The following HEATR1 variants were observed in gnomAD, a reference collection of about 807,000 sequenced individuals.
The protein encoded by HEATR1 is HEAT repeat-containing protein 1.
Under a neutral mutation model 248.2 loss-of-function variants are expected in HEATR1, and 77 were observed. That is an observed-to-expected ratio of 0.31 (90% CI 0.26 to 0.37). The LOEUF is 0.37. Ranked by LOEUF, HEATR1 falls within the 10% of genes least tolerant of loss-of-function variation. The pLI is 1.00. For synonymous variants in HEATR1, 897 were observed against 923.1 expected (o/e 0.97, Z 0.51); for missense variants, 2,420 against 2,504.9 (o/e 0.97, Z 0.72).
At chr1:236,599,777 A>G (rs1357813866) in intron 3 of HEATR1, among the ~76,000 whole-genome samples, 153 bp from the exon 4 acceptor site, 1 of 151,336 alleles carries the variant, frequency 6.6e-6, no homozygotes, top group Non-Finnish European at 1.5e-5. Context: ...GAGCATTTAA[A>G]AAGTCCCCAA....
intron 44 of HEATR1, 111 bp from the exon 45 acceptor site, chr1:236,551,101 A>G: frequency 1.2e-6 from 1 of 833,310 alleles, no homozygotes; most frequent in Non-Finnish European, 1.8e-6. Flanking sequence ...ATTCAATCAA[A>G]AGAGTGAAAT....
intron 24 of HEATR1, 61 bp downstream of exon 24, chr1:236,574,141 G>A (rs1411727372): frequency 3.5e-6 from 5 of 1,423,200 alleles, no homozygotes; most frequent in Non-Finnish European, 4.7e-6. Context: ...CTTAAACATG[G>A]TGTCCCTTGG....
Position 236,596,057 on chromosome 1 carries a change from T to C in HEATR1, c.745-13A>G. 6.4e-7 allele frequency: 1 copy of C among 1,550,972 alleles called. No individual in the cohort carries two copies. On this transcript the variant is annotated splice_polypyrimidine_tract_variant and intron_variant, in intron 6 of 44. Transcript: ENST00000366582. ...ATGATTTCAATCCCTAAATATTTTT[T>C]AAATATAAGGAAAAATGATAAACCA...
intron 31 of HEATR1, 120 bp from the exon 32 acceptor site, chr1:236,564,781 T>C: frequency 1.1e-6 from 1 of 945,712 alleles, no homozygotes; most frequent in Non-Finnish European, 1.5e-6. Context: ...CCCAGAGAAA[T>C]GTGTTCATCT....
At chr1:236,574,433 C>T in intron 23 of HEATR1, 100 bp from the exon 24 acceptor site, 1 of 1,403,268 alleles carries the variant, frequency 7.1e-7, no homozygotes, top group African/African-American at 1.5e-5. Flanking sequence ...AATTGTTTCC[C>T]ACTTAATTTT....
At chr1:236,600,092 T>C (rs1365797758) in intron 3 of HEATR1, among the ~76,000 whole-genome samples, 1 of 146,326 alleles carries the variant, frequency 6.8e-6, no homozygotes, top group African/African-American at 2.5e-5. Flanking sequence ...TAGGTCTCCC[T>C]GTGTTGCCCA....
intron 32 of HEATR1, among the ~76,000 whole-genome samples, 200 bp downstream of exon 32, chr1:236,564,298 A>G (rs1663212139): frequency 6.6e-6 from 1 of 152,140 alleles, no homozygotes; most frequent in Non-Finnish European, 1.5e-5. Flanking sequence ...CCACTGAGTC[A>G]CAGAGTTTAC....
intron 44 of HEATR1, 43 bp from the exon 45 acceptor site, chr1:236,551,033 TCC>T (rs779278292): frequency 7.9e-5 from 113 of 1,426,080 alleles, no homozygotes; most frequent in Non-Finnish European, 1.0e-4. Context: ...TCTGAGTCAG[TCC>T]GCCTGCCTCG....
chr1:236,550,730 A>T lies in HEATR1; in HGVS notation c.*172T>A. On this transcript the variant is annotated 3_prime_UTR_variant, in exon 45 of 45. Transcript: ENST00000366582. ...TCTATACGATAGGCAGGAGAGGCTTATGTGGCAGCACAAGCCAGGTGGGGA... is the reference window on the plus strand; with the variant it reads ...TCTATACGATAGGCAGGAGAGGCTTTTGTGGCAGCACAAGCCAGGTGGGGA... 1 of 555,190 alleles carries T rather than the reference A, an allele frequency of 1.8e-6. No individual in the cohort carries two copies. The highest frequency in any genetic ancestry group is 3.2e-6 in the Non-Finnish European group (1 of 316,756). The allele number at this position is 555,190 out of a possible 1,614,324, so 34.4% of individuals were successfully genotyped here.
chr1:236,569,274 C>T, intron 28 of HEATR1, 150 bp from the exon 29 acceptor site: 1 of 543,662 alleles, frequency 1.8e-6, no homozygotes, highest in Non-Finnish European at 3.1e-6. Flanking sequence ...CTCCTAAGCT[C>T]AAGCAATCCT....
intron 17 of HEATR1, among the ~76,000 whole-genome samples, chr1:236,583,711 T>C (rs922850610): frequency 2.6e-5 from 4 of 152,116 alleles, no homozygotes; most frequent in African/African-American, 9.7e-5. Flanking sequence ...GGTCTCGAAC[T>C]CCTGTCCTCA....
Position 236,557,322 on chromosome 1 carries a change from G to A in HEATR1, c.5228C>T (p.Thr1743Ile). ...LPSLMPSLLT[T>I]MKNTSELVSS... ...GACCAGCTCGCTGGTGTTCTTCATTGTTGTCAGCAACGATGGCATCAGGCT... is the reference window on the plus strand; with the variant it reads ...GACCAGCTCGCTGGTGTTCTTCATTATTGTCAGCAACGATGGCATCAGGCT... The change falls in exon 37 of 45, where the codon ACA (threonine) becomes ATA (isoleucine). Residue 1743 changes from threonine to isoleucine, a missense_variant. Coordinates refer to ENST00000366582, the MANE Select transcript of HEATR1 (RefSeq NM_018072.6). 1 of 1,614,108 alleles carries A rather than the reference G, an allele frequency of 6.2e-7. No homozygotes were observed. The highest frequency in any genetic ancestry group is 2.2e-5 in the East Asian group (1 of 44,878).
At chr1:236,577,304 A>AC (rs1663589244) in intron 20 of HEATR1, among the ~76,000 whole-genome samples, 1 of 151,930 alleles carries the variant, frequency 6.6e-6, no homozygotes, top group Non-Finnish European at 1.5e-5. Context: ...GGTGCACGCC[A>AC]CACGCCTGGC....
In HEATR1 at chr1:236,569,071, G is replaced by T; in HGVS notation, c.4002C>A (p.Val1334=). 6.2e-7 allele frequency: 1 copy of T among 1,607,574 alleles called. No individual in the cohort carries two copies. The highest frequency in any genetic ancestry group is 1.1e-5 in the South Asian group (1 of 89,928). Residue 1334 remains valine, a synonymous_variant, in exon 29 of 45, where the codon GTC becomes GTA. Coordinates refer to ENST00000366582, the MANE Select transcript of HEATR1 (RefSeq NM_018072.6). ...MSIFTFMGAN[V]MRLDDTYSFQ... Reference sequence around the variant, plus strand: ...AACTGTAAGTATCATCTAGGCGCATGACATTGGCTCCCATAAATGTAAAAA... The same window carrying T: ...AACTGTAAGTATCATCTAGGCGCATTACATTGGCTCCCATAAATGTAAAAA...
chr1:236,572,970 T>C (rs539298414), intron 24 of HEATR1, 142 bp from the exon 25 acceptor site: 22 of 742,204 alleles, frequency 3.0e-5, no homozygotes, highest in East Asian at 5.2e-5. Context: ...CCCCCCAGCA[T>C]TGGATGCTAC....
intron 12 of HEATR1, among the ~76,000 whole-genome samples, chr1:236,590,262 C>T (rs1236281836): frequency 6.6e-6 from 1 of 152,110 alleles, no homozygotes; most frequent in African/African-American, 2.4e-5. Flanking sequence ...GAGTCTTGCC[C>T]TGTCACCCAG....
rs1378460333 is a variant in HEATR1 at position 236,553,728 on chromosome 1, C to G, written c.6090G>C (p.Arg2030Ser). ...MMPLVDQLENRLGGEEKFQER... is the reference protein window; with the variant it reads ...MMPLVDQLENSLGGEEKFQER... ...CCTGGAATTTCTCTTCTCCCCCAAG[C>G]CTGTTTTCCAGCTAGGAAGAGTAAG... The change falls in exon 43 of 45, where the codon AGG becomes AGC. Residue 2030 changes from arginine (R) to serine (S), a missense_variant. Coordinates refer to ENST00000366582, the MANE Select transcript of HEATR1 (RefSeq NM_018072.6). 6.2e-7 allele frequency: 1 copy of G among 1,611,858 alleles called. No individual in the cohort carries two copies. Among genetic ancestry groups the G allele is most frequent in the Non-Finnish European group, 8.5e-7 (1 of 1,179,006 alleles).
intron 3 of HEATR1, 179 bp downstream of exon 3, chr1:236,602,981 A>G: frequency 3.4e-6 from 2 of 590,042 alleles, no homozygotes; most frequent in Non-Finnish European, 6.0e-6. Context: ...TCTACTTTTC[A>G]CTATCAACAA....
intron 31 of HEATR1, among the ~76,000 whole-genome samples, chr1:236,565,209 C>T (rs898651946): frequency 1.4e-4 from 21 of 152,240 alleles, no homozygotes; most frequent in African/African-American, 4.3e-4. Context: ...TGGCTGGCCA[C>T]GCAGAAAACA....
Sources: gnomAD v4.1 joint callset for allele counts (sites outside exome capture counted in the v4.1 genomes callset) on GRCh38, gnomAD v4.1.1 for gene constraint, MANE v1.5 for transcripts, NCBI Gene and HGNC (gene_info 2026-07-23, HGNC 2026-07-21) for gene names.